Variants in SLC2A12 observed in about 807,000 individuals in gnomAD.
SLC2A12 encodes the protein solute carrier family 2 member 12.
In SLC2A12, 23 loss-of-function variants were observed where a neutral mutation model predicts 41.8. That is an observed-to-expected ratio of 0.55 (90% CI 0.40 to 0.78). SLC2A12 has a LOEUF of 0.78. SLC2A12 is among the 30% of genes least tolerant of loss of function. The pLI is 0.00. For synonymous variants in SLC2A12, 295 were observed against 285.9 expected, an observed-to-expected ratio of 1.03 and a Z score of -0.32; for missense variants, 654 against 745.6, an observed-to-expected ratio of 0.88 and a Z score of 1.43.
Position 134,052,588 on chromosome 6 carries a change from G to T in SLC2A12, c.-108C>A. 1.2e-6 allele frequency: 1 copy of T among 822,586 alleles called. No homozygotes were observed. Among genetic ancestry groups the T allele is most frequent in the South Asian group, 1.6e-5 (1 of 61,896 alleles). 51.0% of individuals were successfully genotyped at this position (822,586 alleles called of 1,614,324 possible). On this transcript the variant is annotated 5_prime_UTR_variant, in exon 1 of 5. Coordinates refer to ENST00000275230, the MANE Select transcript of SLC2A12 (RefSeq NM_145176.3). ...AATAGCATGCTAAAGAAGAGTGTGG[G>T]GAAAAACTTCGGGCAAAGCTAATGT...
At chr6:134,014,898 T>C (rs1776935037) in intron 2 of SLC2A12, among the ~76,000 whole-genome samples, 1 of 152,256 alleles carries the variant, frequency 6.6e-6, no homozygotes, top group Admixed American at 6.5e-5. Flanking sequence ...ACTCTAGTTC[T>C]ATTAGATACT....
intron 1 of SLC2A12, among the ~76,000 whole-genome samples, chr6:134,046,968 A>T (rs1777463678): frequency 6.6e-6 from 1 of 152,252 alleles, no homozygotes; most frequent in Non-Finnish European, 1.5e-5. Context: ...AAGGTAATAT[A>T]TTTGACTCAG....
chr6:134,019,020 T>C (rs569758699), intron 2 of SLC2A12, among the ~76,000 whole-genome samples: 1 of 152,338 alleles, frequency 6.6e-6, no homozygotes, highest in East Asian at 1.9e-4. Context: ...GTCACTTGAA[T>C]ATGTGAATAC....
chr6:134,046,362 A>T (rs765944436), intron 1 of SLC2A12, among the ~76,000 whole-genome samples: 1 of 152,238 alleles, frequency 6.6e-6, no homozygotes, highest in African/African-American at 2.4e-5. Flanking sequence ...TATATTCCTA[A>T]AAGTCAAACA....
intron 2 of SLC2A12, among the ~76,000 whole-genome samples, chr6:134,019,216 A>C (rs74943294): frequency 1.3e-5 from 2 of 152,212 alleles, no homozygotes; most frequent in African/African-American, 4.8e-5. Context: ...TATAAAAAAA[A>C]CAGTCACATA....
Position 134,029,406 on chromosome 6 carries a change from A to G in SLC2A12, c.419T>C (p.Ile140Thr), listed in dbSNP as rs773710062. 5.0e-6 allele frequency: 8 copies of G among 1,614,078 alleles called. No homozygotes were observed. Among genetic ancestry groups the G allele is most frequent in the African/African-American group, 2.7e-5 (2 of 74,926 alleles). The change falls in exon 2 of 5, where the codon ATA becomes ACA. Residue 140 changes from isoleucine (I) to threonine (T), a missense_variant. Ile to Thr is a moderately conservative substitution (Grantham distance 89, BLOSUM62 -1). Transcript: ENST00000275230. ...YTVLIVGRIA[I>T]GVSISLSSIA... ...GGAAGAGAGGGAGATGGAGACCCCT[A>G]TGGCAATGCGTCCCACTATAAGAAC...
At chr6:134,008,040 T>C (rs961953535) in intron 2 of SLC2A12, among the ~76,000 whole-genome samples, 1 of 152,256 alleles carries the variant, frequency 6.6e-6, no homozygotes, top group African/African-American at 2.4e-5. Context: ...CCTTTGGCCC[T>C]GCCCCAGCTC....
At chr6:134,020,287 T>A (rs1777024134) in intron 2 of SLC2A12, among the ~76,000 whole-genome samples, 1 of 152,250 alleles carries the variant, frequency 6.6e-6, no homozygotes, top group African/African-American at 2.4e-5. Flanking sequence ...TTGCTTTCAA[T>A]GTTACTTTAG....
intron 2 of SLC2A12, among the ~76,000 whole-genome samples, chr6:134,022,563 G>GAAAA (rs1350055796): frequency 1.2e-5 from 1 of 83,210 alleles, no homozygotes; most frequent in East Asian, 5.7e-4. Context: ...GAAAAGAAAA[G>GAAAA]AAAAGAAAAG....
chr6:134,008,575 G>A (rs1050116685), intron 2 of SLC2A12, among the ~76,000 whole-genome samples: 1 of 152,106 alleles, frequency 6.6e-6, no homozygotes. Context: ...TATCGTTGGT[G>A]GAATCGCTTT....
Position 133,988,063 on chromosome 6 carries a change from C to T in SLC2A12, c.*3092G>A, listed in dbSNP as rs1054991608. The T allele has an allele frequency of 6.6e-6, 1 of 152,066 alleles. No individual in the cohort carries two copies. Among genetic ancestry groups the T allele is most frequent in the Non-Finnish European group, 1.5e-5 (1 of 68,000 alleles). 9.4% of individuals were successfully genotyped at this position (152,066 alleles called of 1,614,324 possible). Reference sequence around the variant, plus strand: ...TAAGAGTCTTGTCAGAAGTTGGTAACATGGAGATGTTTTAACAAGAAGTGC... The same window carrying T: ...TAAGAGTCTTGTCAGAAGTTGGTAATATGGAGATGTTTTAACAAGAAGTGC... On this transcript the variant is annotated 3_prime_UTR_variant, in exon 5 of 5. Coordinates refer to ENST00000275230, the MANE Select transcript of SLC2A12 (RefSeq NM_145176.3).
chr6:134,032,424 ATTTATATATATATATATATATAT>A, intron 1 of SLC2A12, among the ~76,000 whole-genome samples: 1 of 41,216 alleles, frequency 2.4e-5, no homozygotes, highest in African/African-American at 7.6e-5. Flanking sequence ...ATATATATAT[ATTTATATATATATATATATATAT>A]AAATATATAT....
At chr6:134,002,699 A>G in intron 3 of SLC2A12, among the ~76,000 whole-genome samples, 1 of 152,078 alleles carries the variant, frequency 6.6e-6, no homozygotes, top group Non-Finnish European at 1.5e-5. Context: ...TGCTGGCAAT[A>G]TTTCATCATT....
At chr6:134,019,418 G>A (rs556186061) in intron 2 of SLC2A12, among the ~76,000 whole-genome samples, 5 of 152,296 alleles carry the variant, frequency 3.3e-5, no homozygotes, top group African/African-American at 7.2e-5. Flanking sequence ...GTGATTCTAC[G>A]TTGTGAAAGC....
rs763732130 is a variant in SLC2A12 at position 134,028,787 on chromosome 6, G to C, written c.1038C>G (p.Phe346Leu). 1.9e-6 allele frequency: 3 copies of C among 1,614,220 alleles called. No individual in the cohort carries two copies. The highest frequency in any genetic ancestry group is 1.7e-5 in the Admixed American group (1 of 60,018). Residue 346 changes from phenylalanine (F) to leucine (L), a missense_variant, in exon 2 of 5, where the codon TTC (phenylalanine) becomes TTG (leucine). Transcript: ENST00000275230. ...CCATCACAGAGGAGCCAATGCAGAG[G>C]AATGTTTTGCTGCCGACATGGTCTA... ...LLVDHVGSKT[F>L]LCIGSSVMAA...
At position 133,990,696 on chromosome 6, in the gene SLC2A12, GTTC is replaced by G. The variant is rs1455463500; in HGVS notation, c.*456_*458del. 1 of 152,762 alleles carries G rather than the reference GTTC, an allele frequency of 6.5e-6. No individual in the cohort carries two copies. Among genetic ancestry groups the G allele is most frequent in the African/African-American group, 2.4e-5 (1 of 41,404 alleles). 9.5% of individuals were successfully genotyped at this position (152,762 alleles called of 1,614,324 possible). A position where few individuals can be genotyped will look rare whatever the true frequency, so the allele number is the denominator to read the frequency against. Reference sequence around the variant, plus strand: ...GCAGTTGTCCACACTGTGTGTTCTGGTTCTTTTTTGCGTAAGATCCAGTGCAAG... The same window carrying G: ...GCAGTTGTCCACACTGTGTGTTCTGGTTTTTTGCGTAAGATCCAGTGCAAG... On this transcript the variant is annotated 3_prime_UTR_variant, in exon 5 of 5. Coordinates refer to ENST00000275230, the MANE Select transcript of SLC2A12 (RefSeq NM_145176.3).
At chr6:134,012,362 T>A (rs1776898524) in intron 2 of SLC2A12, among the ~76,000 whole-genome samples, 1 of 152,176 alleles carries the variant, frequency 6.6e-6, no homozygotes, top group East Asian at 1.9e-4. Flanking sequence ...GGAATAAGCC[T>A]CAATAATGAA....
intron 1 of SLC2A12, among the ~76,000 whole-genome samples, chr6:134,043,128 CA>C (rs1241487386): frequency 6.6e-6 from 1 of 152,000 alleles, no homozygotes; most frequent in Non-Finnish European, 1.5e-5. Flanking sequence ...TAAAAATCTA[CA>C]AAGAGCTTAT....
chr6:134,025,370 C>A (rs542248864), intron 2 of SLC2A12, among the ~76,000 whole-genome samples: 17 of 152,100 alleles, frequency 1.1e-4, no homozygotes, highest in Non-Finnish European at 2.4e-4. Flanking sequence ...AATATCCTTT[C>A]TTATCAGGCT....
Sources: allele counts gnomAD v4.1 joint callset (sites outside exome capture counted in the v4.1 genomes callset), GRCh38; gene constraint gnomAD v4.1.1; transcripts MANE v1.5; gene names NCBI Gene and HGNC (gene_info 2026-07-23, HGNC 2026-07-21).